PKD1L1: variants seen among roughly 807,000 people sequenced by gnomAD.
PKD1L1 encodes polycystin-1-like protein 1.
Under a neutral mutation model 323.4 loss-of-function variants are expected in PKD1L1, and 236 were observed. The ratio of observed to expected loss-of-function variants is 0.73; its 90% confidence interval spans 0.66 to 0.81. PKD1L1 has a LOEUF of 0.81. PKD1L1 is among the 40% of genes least tolerant of loss of function. The pLI, the probability that PKD1L1 is intolerant of heterozygous loss-of-function variation, is 0.00. For missense variants in PKD1L1, 3,320 were observed against 3,508.0 expected (o/e 0.95, Z 1.35); for synonymous variants, 1,344 against 1,335.0 (o/e 1.01, Z -0.15).
intron 26 of PKD1L1, among the ~76,000 whole-genome samples, chr7:47,864,617 T>TTTCC (rs1786114591): frequency 8.1e-6 from 1 of 122,918 alleles, no homozygotes; most frequent in African/African-American, 3.5e-5. Flanking sequence ...TCTTTCTTTC[T>TTTCC]TTCTTTCTTT....
chr7:47,820,683 C>CG (rs1562946168), intron 46 of PKD1L1, among the ~76,000 whole-genome samples: 1 of 151,600 alleles, frequency 6.6e-6, no homozygotes, highest in Admixed American at 6.6e-5. Flanking sequence ...GCTGAGATGG[C>CG]GCCATTGCAC....
intron 4 of PKD1L1, among the ~76,000 whole-genome samples, chr7:47,935,528 C>G (rs1407726015): frequency 6.6e-6 from 1 of 152,274 alleles, no homozygotes; most frequent in East Asian, 1.9e-4. Context: ...CTCCCCAATA[C>G]TGCTGTCAGC....
intron 55 of PKD1L1, chr7:47,795,266 C>G: frequency 4.6e-6 from 2 of 431,936 alleles, no homozygotes; most frequent in South Asian, 3.3e-5. Context: ...GTAATTGAAT[C>G]ATAGGGGCTG....
chr7:47,831,154 G>A, intron 42 of PKD1L1, 63 bp downstream of exon 42: 8 of 1,553,690 alleles, frequency 5.1e-6, no homozygotes, highest in Non-Finnish European at 7.0e-6. Context: ...GCAGGGATTT[G>A]TTTACAAATG....
At chr7:47,817,062 C>T (rs1189709370) in intron 46 of PKD1L1, among the ~76,000 whole-genome samples, 1 of 152,058 alleles carries the variant, frequency 6.6e-6, no homozygotes, top group Non-Finnish European at 1.5e-5. Context: ...ATGATGAGAC[C>T]CTGTCTCTAC....
rs1562970468 is a variant in PKD1L1 at position 47,880,269 on chromosome 7, TATATATATA to T, written c.3520+450_3520+458del. Among the ~76,000 whole-genome samples, 7 of 76,706 alleles carry T rather than the reference TATATATATA, an allele frequency of 9.1e-5. No individual in the cohort carries two copies. The East Asian group carries it at 1.0e-3, about 11-fold the overall frequency. The allele number at this position is 76,706 out of a possible 152,430, so 50.3% of individuals were successfully genotyped here. On this transcript the variant is annotated intron_variant, in intron 21 of 56. Coordinates refer to ENST00000289672, the MANE Select transcript of PKD1L1 (RefSeq NM_138295.5). The stretch of plus-strand genomic sequence containing the variant: ...TAAGATATATATATATATATACATA[TATATATATA>T]TATATATTTTTTTTTTTTTTTTTGA...
intron 46 of PKD1L1, among the ~76,000 whole-genome samples, chr7:47,817,405 G>A (rs1785042494): frequency 6.6e-6 from 1 of 151,956 alleles, no homozygotes; most frequent in Non-Finnish European, 1.5e-5. Flanking sequence ...TGTTGATTCA[G>A]AGCAGATTTT....
At chr7:47,810,071 T>A (rs1784861891) in intron 50 of PKD1L1, among the ~76,000 whole-genome samples, 1 of 152,218 alleles carries the variant, frequency 6.6e-6, no homozygotes, top group African/African-American at 2.4e-5. Flanking sequence ...CAGTGGTGAG[T>A]TACCTGTTGA....
intron 31 of PKD1L1, among the ~76,000 whole-genome samples, chr7:47,851,891 A>T (rs1562958998): frequency 6.6e-6 from 1 of 152,246 alleles, no homozygotes; most frequent in Non-Finnish European, 1.5e-5. Flanking sequence ...ATATAAAAAC[A>T]CAGCAACAAA....
intron 54 of PKD1L1, among the ~76,000 whole-genome samples, chr7:47,800,123 G>GAGAC (rs146410323): frequency 0.013 from 1,974 of 152,288 alleles, 41 homozygotes; most frequent in African/African-American, 0.045. Context: ...GACCATGGGG[G>GAGAC]AGACTCTTCT....
At chr7:47,945,567 A>C (rs1307936446) in intron 1 of PKD1L1, among the ~76,000 whole-genome samples, 3 of 152,218 alleles carry the variant, frequency 2.0e-5, no homozygotes, top group Admixed American at 6.5e-5. Flanking sequence ...AGGCCAGAGA[A>C]ATGAAAAAAT....
chr7:47,902,549 G>A (rs1787116259), intron 12 of PKD1L1, 38 bp from the exon 13 acceptor site: 2 of 1,602,258 alleles, frequency 1.2e-6, no homozygotes, highest in Middle Eastern at 1.7e-4. Context: ...ACAAATTTAT[G>A]TTGATGAACG....
intron 14 of PKD1L1, among the ~76,000 whole-genome samples, chr7:47,896,173 C>T (rs1786930498): frequency 1.3e-5 from 2 of 151,732 alleles, no homozygotes; most frequent in Non-Finnish European, 2.9e-5. Flanking sequence ...CCTGTCTCTA[C>T]AAAAAATTAG....
At position 47,915,548 on chromosome 7, in the gene PKD1L1, T is replaced by G; in HGVS notation, c.1112A>C (p.Glu371Ala). 6.4e-7 allele frequency: 1 copy of G among 1,562,586 alleles called. No individual in the cohort carries two copies. ...TAAAGTTGTATTTTGTGTCTCTGCT[T>G]CTTTGTAGGTGGACATATCCAACTG... ...HFQLDMSTYK[E>A]AETQNTTLNV... is the part of the protein sequence containing the mutation. The change falls in exon 8 of 57, where the codon GAA becomes GCA. Residue 371 changes from glutamate (E) to alanine (A), a missense_variant. Physicochemically the swap from Glu to Ala is moderately radical, Grantham distance 107. Transcript: ENST00000289672.
At chr7:47,886,198 A>T (rs1786681008) in intron 17 of PKD1L1, 144 bp from the exon 18 acceptor site, 1 of 1,146,694 alleles carries the variant, frequency 8.7e-7, no homozygotes, top group Admixed American at 2.9e-5. Flanking sequence ...GATACAGGGC[A>T]GAGAGTGTGG....
Position 47,854,922 on chromosome 7 carries a change from T to C in PKD1L1, c.4819A>G (p.Lys1607Glu). 1.9e-6 allele frequency: 3 copies of C among 1,614,148 alleles called. No individual in the cohort carries two copies. The highest frequency in any genetic ancestry group is 2.5e-6 in the Non-Finnish European group (3 of 1,180,036). ...ACGGGAAATGCCCTTGTAACAGGTT[T>C]GGAAAATTCAATTTCTATCTGTAGA... ...ESLQIEIEFS[K>E]PVTRAFPVML... The change falls in exon 30 of 57, where the codon AAA (lysine) becomes GAA (glutamate). Residue 1607 changes from lysine (K) to glutamate (E), a missense_variant. Physicochemically the swap from Lys to Glu is moderately conservative, Grantham distance 56. Transcript: ENST00000289672.
chr7:47,954,738 C>A, the PKD1L1 span, among the ~76,000 whole-genome samples: 1 of 152,216 alleles, frequency 6.6e-6, no homozygotes, highest in Non-Finnish European at 1.5e-5. Flanking sequence ...ATGCTATTTT[C>A]TCTTATTCCA....
intron 7 of PKD1L1, among the ~76,000 whole-genome samples, chr7:47,920,280 A>AAAAC (rs1463360177): frequency 7.6e-6 from 1 of 130,744 alleles, no homozygotes; most frequent in African/African-American, 3.2e-5. Context: ...AAAAAAAACC[A>AAAAC]AAACAAACAA....
chr7:47,894,205 A>G (rs1786887754), intron 14 of PKD1L1, 146 bp from the exon 15 acceptor site: 1 of 649,968 alleles, frequency 1.5e-6, no homozygotes, highest in Non-Finnish European at 2.5e-6. Flanking sequence ...GGTAGTCAAA[A>G]TAACCACTCT....
Sources: gnomAD v4.1 joint callset for allele counts (sites outside exome capture counted in the v4.1 genomes callset) on GRCh38, gnomAD v4.1.1 for gene constraint, MANE v1.5 for transcripts, NCBI Gene and HGNC (gene_info 2026-07-23, HGNC 2026-07-21) for gene names.